The following CACNA2D3 variants were observed in gnomAD, a reference collection of about 807,000 sequenced individuals.
CACNA2D3 encodes calcium voltage-gated channel auxiliary subunit alpha2delta 3, also known as voltage-dependent calcium channel subunit alpha-2/delta-3.
Under a neutral mutation model 160.6 loss-of-function variants are expected in CACNA2D3, and 60 were observed. The observed-to-expected ratio is 0.37, with a 90% CI of 0.30 to 0.46. The LOEUF is 0.46. Ranked by LOEUF, CACNA2D3 falls within the 20% of genes least tolerant of loss-of-function variation. CACNA2D3 has a pLI of 1.00. For missense variants in CACNA2D3, 1,205 were observed against 1,365.0 expected, an observed-to-expected ratio of 0.88 and a Z score of 1.85; for synonymous variants, 558 against 492.9, an observed-to-expected ratio of 1.13 and a Z score of -1.75.
intron 4 of CACNA2D3, among the ~76,000 whole-genome samples, chr3:54,412,639 C>CTT (rs1699689012): frequency 9.5e-6 from 1 of 104,944 alleles, no homozygotes; most frequent in Non-Finnish European, 2.0e-5. Flanking sequence ...CAACCTCTGC[C>CTT]TTTTAGTTGA....
chr3:54,913,599 C>T (rs6772688), intron 27 of CACNA2D3, among the ~76,000 whole-genome samples: 97,655 of 152,014 alleles, frequency 0.64, 32,045 homozygotes, highest in East Asian at 0.78. Flanking sequence ...CTCCTTCAGC[C>T]GGCCTCCTGG....
intron 9 of CACNA2D3, among the ~76,000 whole-genome samples, chr3:54,611,450 C>T (rs1698747293): frequency 6.6e-6 from 1 of 152,190 alleles, no homozygotes; most frequent in Admixed American, 6.5e-5. Context: ...GATAGGGTCA[C>T]CTTAGCCAGG....
At chr3:54,605,201 C>G (rs1429473447) in intron 9 of CACNA2D3, among the ~76,000 whole-genome samples, 1 of 152,174 alleles carries the variant, frequency 6.6e-6, no homozygotes, top group Non-Finnish European at 1.5e-5. Flanking sequence ...CCAACCTACT[C>G]CAGTGTGACT....
At position 55,010,462 on chromosome 3, in the gene CACNA2D3, A is replaced by C. The variant is rs1461711658; in HGVS notation, c.2875+1019A>C. 3.3e-5 allele frequency among the ~76,000 whole-genome samples: 5 copies of C among 152,206 alleles called. No individual in the cohort carries two copies. The South Asian group carries it at 8.3e-4, about 25-fold the overall frequency. On this transcript the variant is annotated intron_variant, in intron 34 of 37. Transcript: ENST00000474759. ...ATGGTGGTGACACTGTGACCATGAC[A>C]ATGATGATGATCGCCTCCAAATCCA...
chr3:54,637,923 C>G (rs996841308), intron 10 of CACNA2D3: 6 of 152,052 alleles, frequency 3.9e-5, no homozygotes, highest in African/African-American at 1.5e-4. Flanking sequence ...GCCCAGTGGC[C>G]AGATTTCCGG....
intron 2 of CACNA2D3, among the ~76,000 whole-genome samples, chr3:54,265,196 C>G (rs1702477553): frequency 6.6e-6 from 1 of 152,308 alleles, no homozygotes; most frequent in East Asian, 1.9e-4. Context: ...TTTACACTCC[C>G]ACCAACAGTG....
At chr3:54,962,790 A>G (rs1207573780) in intron 27 of CACNA2D3, among the ~76,000 whole-genome samples, 1 of 152,134 alleles carries the variant, frequency 6.6e-6, no homozygotes, top group Non-Finnish European at 1.5e-5. Context: ...GGGCTGGGCA[A>G]ATGGAAGTAG....
chr3:54,933,051 C>CCCTCCCTCCCTTCCTTCCTT (rs1366811478), intron 27 of CACNA2D3, among the ~76,000 whole-genome samples: 6 of 139,540 alleles, frequency 4.3e-5, no homozygotes, highest in African/African-American at 1.6e-4. Flanking sequence ...ATCCATCCCT[C>CCCTCCCTCCCTTCCTTCCTT]CCTTCCTTCC....
At chr3:54,340,469 T>G (rs903429159) in intron 3 of CACNA2D3, among the ~76,000 whole-genome samples, 8 of 152,184 alleles carry the variant, frequency 5.3e-5, no homozygotes, top group African/African-American at 1.9e-4. Flanking sequence ...CAGGCTGATA[T>G]AAAAGCTTAA....
rs147279261 is a variant in CACNA2D3, at chr3:54,645,652, C to T, written c.1167+3411C>T. Among the ~76,000 whole-genome samples the T allele has an allele frequency of 9.3e-4, 141 of 152,300 alleles. 1 individual carries two copies. The highest frequency in any genetic ancestry group is 3.4e-3 in the Middle Eastern group (1 of 294). ...CAGGTACTTGCTGTTCCCCAGCCTC[C>T]GGGGATTTGTTCCCTTCTCTTAGGT... On this transcript the variant is annotated intron_variant, in intron 11 of 37. Transcript: ENST00000474759.
intron 11 of CACNA2D3, among the ~76,000 whole-genome samples, chr3:54,752,391 A>G (rs1377575309): frequency 6.6e-6 from 1 of 152,048 alleles, no homozygotes; most frequent in African/African-American, 2.4e-5. Context: ...AACAACCACC[A>G]CCAGTGCCAT....
chr3:55,008,886 T>TACACACGCACACACAC (rs1491125549), intron 33 of CACNA2D3, among the ~76,000 whole-genome samples: 43 of 53,292 alleles, frequency 8.1e-4, no homozygotes, highest in African/African-American at 3.0e-3. Context: ...CACCTCCCTC[T>TACACACGCACACACAC]ATACACACAC....
intron 4 of CACNA2D3, among the ~76,000 whole-genome samples, chr3:54,434,548 A>G (rs764819674): frequency 2.0e-5 from 3 of 152,090 alleles, no homozygotes; most frequent in Non-Finnish European, 2.9e-5. Context: ...CAAGGACGAT[A>G]TTTCTTCTTT....
chr3:54,754,347 TG>T (rs1041627198), intron 12 of CACNA2D3, among the ~76,000 whole-genome samples: 1 of 152,222 alleles, frequency 6.6e-6, no homozygotes, highest in African/African-American at 2.4e-5. Flanking sequence ...CAAACCTATC[TG>T]GGTAGATCTG....
intron 2 of CACNA2D3, among the ~76,000 whole-genome samples, chr3:54,175,906 A>G (rs561076069): frequency 6.6e-6 from 1 of 152,224 alleles, no homozygotes; most frequent in South Asian, 2.1e-4. Context: ...CAAAGAGTGG[A>G]CCATTCATTG....
At chr3:54,242,194 G>A (rs1413140266) in intron 2 of CACNA2D3, among the ~76,000 whole-genome samples, 2 of 152,184 alleles carry the variant, frequency 1.3e-5, no homozygotes, top group Non-Finnish European at 2.9e-5. Flanking sequence ...GCTGAGACGG[G>A]TAGATCAACT....
In CACNA2D3 at chr3:54,649,925, T is replaced by C. The variant is rs149926960; in HGVS notation, c.1167+7684T>C. 3.7e-3 allele frequency among the ~76,000 whole-genome samples: 560 copies of C among 152,314 alleles called. 6 individuals are homozygous for C. Among genetic ancestry groups the C allele is most frequent in the African/African-American group, 0.013 (521 of 41,564 alleles). On this transcript the variant is annotated intron_variant, in intron 11 of 37. Transcript: ENST00000474759. ...AGGGAGTGAGGATTTGGCCTGTAAC[T>C]GTCAAATAACAGAGCCCATCCTAAC...
At chr3:54,636,132 C>T (rs1410255769) in intron 10 of CACNA2D3, among the ~76,000 whole-genome samples, 8 of 151,680 alleles carry the variant, frequency 5.3e-5, no homozygotes, top group African/African-American at 1.7e-4. Flanking sequence ...TAGATTTCCA[C>T]GATGGAAAGG....
intron 8 of CACNA2D3, 116 bp downstream of exon 8, chr3:54,570,220 G>T: frequency 9.4e-7 from 1 of 1,069,448 alleles, no homozygotes; most frequent in East Asian, 2.4e-5. Context: ...AGAACATGAG[G>T]CCTGGTTAGT....
Sources: gnomAD v4.1 joint callset for allele counts (sites outside exome capture counted in the v4.1 genomes callset) on GRCh38, gnomAD v4.1.1 for gene constraint, MANE v1.5 for transcripts, NCBI Gene and HGNC (gene_info 2026-07-23, HGNC 2026-07-21) for gene names.